Variants in KIAA1210 observed in about 807,000 individuals in gnomAD.
KIAA1210 encodes the protein acrosomal protein KIAA1210.
KIAA1210 carries 48 observed loss-of-function variants against 78.9 expected under a neutral mutation model. The observed-to-expected ratio is 0.61, with a 90% CI of 0.48 to 0.77. The LOEUF is 0.77. Among genes scored for constraint, KIAA1210 ranks in the 30% least tolerant of loss-of-function variants. The pLI, the probability that KIAA1210 is intolerant of heterozygous loss-of-function variation, is 0.00. For synonymous variants in KIAA1210, 406 were observed against 404.5 expected, an observed-to-expected ratio of 1.00 and a Z score of -0.04; for missense variants, 1,108 against 1,100.0, an observed-to-expected ratio of 1.01 and a Z score of -0.10.
chrX:119,088,842 C>A lies in KIAA1210; in HGVS notation c.1860G>T (p.Leu620=). The A allele has an allele frequency of 1.7e-6, 2 of 1,211,315 alleles. No homozygotes were observed. The highest frequency in any genetic ancestry group is 2.2e-6 in the Non-Finnish European group (2 of 895,274). Residue 620 remains leucine (L), a synonymous_variant, in exon 9 of 12, where the codon CTG becomes CTT. Coordinates refer to ENST00000691062, the MANE Select transcript of KIAA1210 (RefSeq NM_001394962.1). ...AGGACTGGGAAGAGTGACCATGAGC[C>A]AGTTCTTCAGAACCATCCCCCTCCT... is the stretch of plus-strand genomic sequence containing the variant. ...IPEEGDGSEE[L]AHGHSSQSLG... is the part of the protein sequence containing the mutation.
intron 2 of KIAA1210, among the ~76,000 whole-genome samples, chrX:119,119,314 C>A (rs1318967010): frequency 8.9e-6 from 1 of 111,876 alleles, no homozygotes; most frequent in Non-Finnish European, 1.9e-5. Flanking sequence ...TGGAGTAGAG[C>A]AACGAAAGAT....
At chrX:119,108,934 C>A in intron 4 of KIAA1210, 142 bp downstream of exon 4, 1 of 546,911 alleles carries the variant, frequency 1.8e-6, no homozygotes, top group South Asian at 3.2e-5. Flanking sequence ...TTCTGTCACT[C>A]AAGGCTTACA....
At chrX:119,141,177 C>G (rs982025385) in intron 2 of KIAA1210, among the ~76,000 whole-genome samples, 1 of 111,417 alleles carries the variant, frequency 9.0e-6, no homozygotes, top group Non-Finnish European at 1.9e-5. Flanking sequence ...ACTTCACTCT[C>G]CATTTTCCCA....
At chrX:119,144,565 G>T (rs755947497) in intron 2 of KIAA1210, among the ~76,000 whole-genome samples, 48 of 111,918 alleles carry the variant, frequency 4.3e-4, no homozygotes, top group Non-Finnish European at 7.0e-4. Flanking sequence ...GACATGACTA[G>T]AGGAATCCTG....
In KIAA1210 at chrX:119,087,484, C is replaced by A; in HGVS notation, c.3218G>T (p.Gly1073Val). ...AGGTAGCATCTTTGAAGAAATGCCT[C>A]CCTTAGGATTAGCACTCCCTGAATC... Reference protein sequence around the residue: ...FSDSGSANPKGGISSKMLPMK... With the variant: ...FSDSGSANPKVGISSKMLPMK... The change falls in exon 9 of 12, where the codon GGA becomes GTA. Residue 1073 changes from glycine to valine, a missense_variant. Transcript: ENST00000691062. The A allele has an allele frequency of 8.3e-7, 1 of 1,210,133 alleles. No individual in the cohort carries two copies. The highest frequency in any genetic ancestry group is 1.7e-5 in the African/African-American group (1 of 57,727).
chrX:119,094,038 T>C (rs751983927), intron 7 of KIAA1210: 2 of 1,209,388 alleles, frequency 1.7e-6, no homozygotes, highest in East Asian at 3.0e-5. Context: ...AGTGACACAC[T>C]GCAGGGATCC....
intron 2 of KIAA1210, among the ~76,000 whole-genome samples, chrX:119,144,010 C>T (rs1929108237): frequency 8.9e-6 from 1 of 112,518 alleles, no homozygotes; most frequent in Non-Finnish European, 1.9e-5. Flanking sequence ...ACATATGTAT[C>T]TGTCAGTCCA....
At chrX:119,139,743 T>TG (rs1929003955) in intron 2 of KIAA1210, among the ~76,000 whole-genome samples, 1 of 111,806 alleles carries the variant, frequency 8.9e-6, no homozygotes, top group South Asian at 3.8e-4. Flanking sequence ...AAGAAATGGA[T>TG]GGTAGGACAG....
chrX:119,131,643 AG>A (rs967890122), upstream of KIAA1210, among the ~76,000 whole-genome samples: 6 of 112,971 alleles, frequency 5.3e-5, no homozygotes, highest in Non-Finnish European at 1.1e-4. Flanking sequence ...GAGAGATCAA[AG>A]CTGCAGCAGA....
rs1408635185 is a variant in KIAA1210, at chrX:119,088,181, G to A, written c.2521C>T (p.Leu841=). The A allele has an allele frequency of 1.4e-5, 17 of 1,208,948 alleles. No individual in the cohort carries two copies. The highest frequency in any genetic ancestry group is 1.9e-5 in the Non-Finnish European group (17 of 894,180). Residue 841 remains leucine (L), a synonymous_variant, in exon 9 of 12, where the codon CTA becomes TTA. Coordinates refer to ENST00000691062, the MANE Select transcript of KIAA1210 (RefSeq NM_001394962.1). Reference sequence around the variant, plus strand: ...GACTGAGGAGAATATCTGGGGAGTAGTGGCTCCACAGAAATGACTCTCTCA... The same window carrying A: ...GACTGAGGAGAATATCTGGGGAGTAATGGCTCCACAGAAATGACTCTCTCA... ...AVERVISVEP[L]LPRYSPQSLT... is the part of the protein sequence containing the mutation.
intron 2 of KIAA1210, among the ~76,000 whole-genome samples, chrX:119,134,697 G>A (rs61027680): frequency 0.044 from 4,952 of 111,577 alleles, 279 homozygotes; most frequent in African/African-American, 0.15. Context: ...TCTCCACCTC[G>A]CCATCACGAG....
At position 119,118,927 on chromosome X, in the gene KIAA1210, T is replaced by C. The variant is rs770491704; in HGVS notation, c.62-2263A>G. ...CTACATCAAGGCTGTAGGCAAGCCC[T>C]CCTTAGCATCCCCCTTAGCAACTAG... On this transcript the variant is annotated intron_variant, in intron 2 of 11. Coordinates refer to ENST00000691062, the MANE Select transcript of KIAA1210 (RefSeq NM_001394962.1). Among the ~76,000 whole-genome samples, 6 of 112,387 alleles carry C rather than the reference T, an allele frequency of 5.3e-5. No individual in the cohort carries two copies. In the South Asian group the frequency reaches 1.5e-3, roughly 28 times the overall value.
chrX:119,135,342 G>T (rs774097904), intron 2 of KIAA1210, among the ~76,000 whole-genome samples: 4 of 112,056 alleles, frequency 3.6e-5, no homozygotes, highest in African/African-American at 1.3e-4. Flanking sequence ...GATATTTGCT[G>T]ACATTTTAAC....
chrX:119,150,794 C>T (rs1003754365), upstream of KIAA1210, among the ~76,000 whole-genome samples: 37 of 112,829 alleles, frequency 3.3e-4, 1 homozygote, highest in Admixed American at 5.6e-4. Flanking sequence ...CCCCCGCCCA[C>T]CCCCGGGTCA....
chrX:119,092,113 G>A (rs190550282), intron 8 of KIAA1210, among the ~76,000 whole-genome samples: 211 of 111,915 alleles, frequency 1.9e-3, no homozygotes, highest in African/African-American at 6.7e-3. Flanking sequence ...TTTTTAAACC[G>A]ATCATATGTA....
chrX:119,082,944 C>A, intron 11 of KIAA1210, 71 bp downstream of exon 11: 2 of 695,865 alleles, frequency 2.9e-6, no homozygotes, highest in Non-Finnish European at 4.3e-6. Context: ...ATTATCTGAG[C>A]TTGAAATTGC....
intron 2 of KIAA1210, among the ~76,000 whole-genome samples, chrX:119,142,499 T>G (rs1169389485): frequency 2.7e-5 from 3 of 110,159 alleles, no homozygotes; most frequent in Non-Finnish European, 5.7e-5. Context: ...AGGAAGGAGG[T>G]GGGCACAGTG....
chrX:119,144,482 G>A (rs1929121884), intron 2 of KIAA1210, among the ~76,000 whole-genome samples: 2 of 112,225 alleles, frequency 1.8e-5, no homozygotes, highest in East Asian at 2.8e-4. Context: ...AGCATAGACA[G>A]CTAGGGGAGA....
rs375401704 is a variant in KIAA1210, at chrX:119,105,054, C to A, written c.586G>T (p.Asp196Tyr). 6 of 1,207,638 alleles carry A rather than the reference C, an allele frequency of 5.0e-6. No individual in the cohort carries two copies. Among genetic ancestry groups the A allele is most frequent in the African/African-American group, 1.8e-5 (1 of 57,078 alleles). ...TTTTGTGGATTCTTAGGTGACTCAT[C>A]ATCGAGAGAGATTTCTACCAAGTTC... The part of the protein sequence containing the change: ...SKNLVEISLD[D>Y]ESPKNPQKKA... Residue 196 changes from aspartate to tyrosine, a missense_variant, in exon 6 of 12, where the codon GAT becomes TAT. By Grantham distance (160) the Asp-to-Tyr change is radical (BLOSUM62 -3). Around this residue, in one of 5 missense-constraint regions of KIAA1210, gnomAD observed 672 missense variants for 607.1 expected, o/e 1.11. Coordinates refer to ENST00000691062, the MANE Select transcript of KIAA1210 (RefSeq NM_001394962.1).
Sources: allele counts gnomAD v4.1 joint callset (sites outside exome capture counted in the v4.1 genomes callset), GRCh38; gene constraint gnomAD v4.1.1; regional missense constraint gnomAD v4.1.1; transcripts MANE v1.5; gene names NCBI Gene and HGNC (gene_info 2026-07-23, HGNC 2026-07-21).